Variants in PPP1R17 observed in about 807,000 individuals in gnomAD.
PPP1R17 encodes protein phosphatase 1 regulatory subunit 17.
PPP1R17 carries 12 observed loss-of-function variants against 15.9 expected under a neutral mutation model. The observed-to-expected ratio is 0.75, with a 90% CI of 0.48 to 1.22. The LOEUF is 1.22. Ranked by LOEUF, PPP1R17 falls within the 50% of genes most tolerant of loss-of-function variation. PPP1R17 has a pLI of 0.00. For synonymous variants in PPP1R17, 63 were observed against 64.5 expected, an observed-to-expected ratio of 0.98 and a Z score of 0.11; for missense variants, 211 against 187.3, an observed-to-expected ratio of 1.13 and a Z score of -0.74.
intron 3 of PPP1R17, 120 bp downstream of exon 3, chr7:31,695,741 C>A: frequency 1.1e-6 from 1 of 951,024 alleles, no homozygotes; most frequent in Non-Finnish European, 1.6e-6. Flanking sequence ...GCACTCCCCA[C>A]CTCTGTATCT....
At chr7:31,704,015 C>T (rs1792963826) in intron 4 of PPP1R17, among the ~76,000 whole-genome samples, 1 of 152,080 alleles carries the variant, frequency 6.6e-6, no homozygotes, top group South Asian at 2.1e-4. Flanking sequence ...CCAAGGCCTG[C>T]TTAAGAGTGA....
chr7:31,698,503 C>A (rs1379007617), intron 4 of PPP1R17, among the ~76,000 whole-genome samples: 1 of 152,214 alleles, frequency 6.6e-6, no homozygotes, highest in Non-Finnish European at 1.5e-5. Flanking sequence ...TTTCTACATA[C>A]CAGCTTTTCT....
intron 2 of PPP1R17, 77 bp from the exon 3 acceptor site, chr7:31,695,392 A>G: frequency 7.3e-7 from 1 of 1,375,992 alleles, no homozygotes; most frequent in Non-Finnish European, 9.9e-7. Context: ...ATCAAGTGCA[A>G]TTAGGAACCA....
At chr7:31,706,066 G>A (rs1793059243) in intron 4 of PPP1R17, among the ~76,000 whole-genome samples, 2 of 131,538 alleles carry the variant, frequency 1.5e-5, no homozygotes, top group Non-Finnish European at 3.1e-5. Context: ...GTGCAGTGGT[G>A]TAATCTCGGC....
chr7:31,688,706 AAAGG>A (rs1310649605), intron 1 of PPP1R17, among the ~76,000 whole-genome samples: 1 of 152,226 alleles, frequency 6.6e-6, no homozygotes. Context: ...TCCCTTGTGA[AAAGG>A]AAGGTAAGGA....
At chr7:31,695,383 T>C in intron 2 of PPP1R17, 86 bp from the exon 3 acceptor site, 9 of 1,263,040 alleles carry the variant, frequency 7.1e-6, no homozygotes, top group Non-Finnish European at 9.8e-6. Flanking sequence ...TGTCCTGTCA[T>C]CAAGTGCAAT....
intron 4 of PPP1R17, among the ~76,000 whole-genome samples, chr7:31,702,897 AGGAGAAGACTT>A (rs1583854117): frequency 6.6e-6 from 1 of 152,232 alleles, no homozygotes; most frequent in Non-Finnish European, 1.5e-5. Flanking sequence ...AAGACCTTCT[AGGAGAAGACTT>A]GGTAGAAAAA....
At chr7:31,696,174 G>A (rs540700561) in intron 3 of PPP1R17, 1 of 152,398 alleles carries the variant, frequency 6.6e-6, no homozygotes, top group Admixed American at 6.5e-5. Flanking sequence ...TGGATGTGAT[G>A]CATGACATTC....
chr7:31,695,735 TC>T, intron 3 of PPP1R17, 114 bp downstream of exon 3: 3 of 1,022,626 alleles, frequency 2.9e-6, no homozygotes, highest in Non-Finnish European at 4.3e-6. Context: ...ATTTGTGCAC[TC>T]CCCACCTCTG....
In PPP1R17 at chr7:31,695,454, T is replaced by C; in HGVS notation, c.83-15T>C. The stretch of plus-strand genomic sequence containing the variant: ...ATGTTATATTCTTTATTTCTTTGTA[T>C]CCTGTCAAAATTAGATGATCTTTCA... On this transcript the variant is annotated splice_polypyrimidine_tract_variant and intron_variant, in intron 2 of 4. Coordinates refer to ENST00000342032, the MANE Select transcript of PPP1R17 (RefSeq NM_006658.5). The C allele has an allele frequency of 6.3e-7, 1 of 1,589,602 alleles. No individual in the cohort carries two copies. Among genetic ancestry groups the C allele is most frequent in the African/African-American group, 1.4e-5 (1 of 73,332 alleles).
At chr7:31,701,408 T>C (rs1792842918) in intron 4 of PPP1R17, among the ~76,000 whole-genome samples, 1 of 152,220 alleles carries the variant, frequency 6.6e-6, no homozygotes, top group African/African-American at 2.4e-5. Context: ...TTTGAATGGA[T>C]GAAGAGTTGC....
chr7:31,704,370 T>C (rs1460909212), intron 4 of PPP1R17, among the ~76,000 whole-genome samples: 1 of 152,186 alleles, frequency 6.6e-6, no homozygotes, highest in Non-Finnish European at 1.5e-5. Context: ...ACAGCTTGCT[T>C]CAAAGCTGAT....
chr7:31,700,042 C>T (rs1426897802), intron 4 of PPP1R17, among the ~76,000 whole-genome samples: 1 of 152,060 alleles, frequency 6.6e-6, no homozygotes, highest in African/African-American at 2.4e-5. Context: ...ACAGGGGCCC[C>T]TAAGTGTTCA....
At chr7:31,706,354 A>G (rs1793071464) in intron 4 of PPP1R17, among the ~76,000 whole-genome samples, 1 of 151,732 alleles carries the variant, frequency 6.6e-6, no homozygotes, top group Non-Finnish European at 1.5e-5. Context: ...AGGAACAGCA[A>G]CTCTTTATTT....
At position 31,692,994 on chromosome 7, in the gene PPP1R17, C is replaced by G. The variant is rs185997184; in HGVS notation, c.82+471C>G. On this transcript the variant is annotated intron_variant, in intron 2 of 4. Coordinates refer to ENST00000342032, the MANE Select transcript of PPP1R17 (RefSeq NM_006658.5). ...CAATCTGTTTCCTTTCCAGAACTGA[C>G]TTTTTGCATAACCTTTGTAATGAAA... Among the ~76,000 whole-genome samples the G allele has an allele frequency of 1.2e-3, 179 of 152,098 alleles. 1 individual carries two copies. The highest frequency in any genetic ancestry group is 1.5e-3 in the Non-Finnish European group (103 of 68,014).
At chr7:31,691,262 G>A (rs182916213) in intron 1 of PPP1R17, among the ~76,000 whole-genome samples, 2 of 152,208 alleles carry the variant, frequency 1.3e-5, no homozygotes, top group African/African-American at 2.4e-5. Flanking sequence ...AGAGAAAACC[G>A]GTTTATTCCT....
intron 4 of PPP1R17, among the ~76,000 whole-genome samples, chr7:31,705,135 C>T (rs1416890309): frequency 6.6e-6 from 1 of 152,140 alleles, no homozygotes. Context: ...GACAGCCCAG[C>T]CTACTTTGAG....
intron 4 of PPP1R17, among the ~76,000 whole-genome samples, chr7:31,700,302 G>A (rs1224839283): frequency 1.3e-5 from 2 of 152,160 alleles, no homozygotes; most frequent in African/African-American, 4.8e-5. Flanking sequence ...AAGTTTCAGT[G>A]GTCTGGATAG....
intron 1 of PPP1R17, among the ~76,000 whole-genome samples, chr7:31,690,257 T>C (rs986158581): frequency 6.6e-6 from 1 of 152,234 alleles, no homozygotes; most frequent in Non-Finnish European, 1.5e-5. Context: ...TAGACAACAT[T>C]ACATAAAAAT....
Sources: allele counts gnomAD v4.1 joint callset (sites outside exome capture counted in the v4.1 genomes callset), GRCh38; gene constraint gnomAD v4.1.1; transcripts MANE v1.5; gene names NCBI Gene and HGNC (gene_info 2026-07-23, HGNC 2026-07-21).